Variants in TMPRSS11A observed in about 807,000 individuals in gnomAD.
TMPRSS11A encodes the protein transmembrane serine protease 11A, also known as transmembrane protease serine 11A.
TMPRSS11A carries 53 observed loss-of-function variants against 58.9 expected under a neutral mutation model. That is an observed-to-expected ratio of 0.90 (90% CI 0.72 to 1.13). The LOEUF (loss-of-function observed/expected upper bound fraction) is 1.13, where lower values mean the gene tolerates loss of function less well. TMPRSS11A is among the 50% of genes most tolerant of loss of function. The pLI, the probability that TMPRSS11A is intolerant of heterozygous loss-of-function variation, is 0.00. For synonymous variants in TMPRSS11A, 167 were observed against 169.8 expected, an observed-to-expected ratio of 0.98 and a Z score of 0.13; for missense variants, 493 against 499.3, an observed-to-expected ratio of 0.99 and a Z score of 0.12.
chr4:67,938,239 T>C (rs1218913589), intron 3 of TMPRSS11A, among the ~76,000 whole-genome samples: 2 of 152,220 alleles, frequency 1.3e-5, no homozygotes, highest in Admixed American at 6.5e-5. Context: ...TTGCCTACTT[T>C]TTAATGGCGT....
At chr4:67,947,007 C>T (rs1721032846) in intron 1 of TMPRSS11A, among the ~76,000 whole-genome samples, 1 of 151,942 alleles carries the variant, frequency 6.6e-6, no homozygotes, top group Non-Finnish European at 1.5e-5. Context: ...AATGTTCAGA[C>T]ATAAAAAATT....
At chr4:67,953,352 T>G (rs895459734) in intron 1 of TMPRSS11A, among the ~76,000 whole-genome samples, 1 of 152,132 alleles carries the variant, frequency 6.6e-6, no homozygotes, top group African/African-American at 2.4e-5. Flanking sequence ...TTTTCTTAGT[T>G]TTTTTTAATA....
intron 1 of TMPRSS11A, among the ~76,000 whole-genome samples, chr4:67,953,810 G>A (rs1020259612): frequency 4.0e-5 from 6 of 150,324 alleles, no homozygotes; most frequent in African/African-American, 1.2e-4. Context: ...AAAAAAAATA[G>A]TATTTCTTGG....
intron 1 of TMPRSS11A, among the ~76,000 whole-genome samples, chr4:67,954,097 A>G (rs1052835255): frequency 3.9e-5 from 6 of 152,216 alleles, no homozygotes; most frequent in Admixed American, 6.5e-5. Context: ...AACTCAGGGA[A>G]GGAAAGTTAG....
At chr4:67,914,813 T>C in intron 8 of TMPRSS11A, 83 bp from the exon 9 acceptor site, 1 of 1,229,464 alleles carries the variant, frequency 8.1e-7, no homozygotes, top group South Asian at 1.5e-5. Flanking sequence ...CTAATATTTT[T>C]TTCATGGTAA....
intron 1 of TMPRSS11A, among the ~76,000 whole-genome samples, chr4:67,947,425 G>T (rs984778455): frequency 2.0e-5 from 3 of 152,112 alleles, no homozygotes; most frequent in Non-Finnish European, 4.4e-5. Flanking sequence ...GACCATTGAA[G>T]AGATCAAGCT....
chr4:67,931,687 G>A (rs1720627438), intron 4 of TMPRSS11A, among the ~76,000 whole-genome samples: 3 of 152,138 alleles, frequency 2.0e-5, no homozygotes, highest in South Asian at 2.1e-4. Flanking sequence ...TTTTCCCCAC[G>A]TCATGGGTTC....
rs780260050 is a variant in TMPRSS11A, at chr4:67,911,291, C to T, written c.*51G>A. On this transcript the variant is annotated 3_prime_UTR_variant, in exon 10 of 10. Coordinates refer to ENST00000508048, the MANE Select transcript of TMPRSS11A (RefSeq NM_001114387.2). ...TACACCCACTAAATAGTTGAATTCTCATGCATATATGACCTGCATACAGCT... is the reference window on the plus strand; with the variant it reads ...TACACCCACTAAATAGTTGAATTCTTATGCATATATGACCTGCATACAGCT... 2 of 1,547,800 alleles carry T rather than the reference C, an allele frequency of 1.3e-6. No homozygotes were observed. Among genetic ancestry groups the T allele is most frequent in the Non-Finnish European group, 1.8e-6 (2 of 1,129,372 alleles).
chr4:67,962,019 C>A (rs187172687), intron 1 of TMPRSS11A, among the ~76,000 whole-genome samples: 1 of 152,022 alleles, frequency 6.6e-6, no homozygotes, highest in African/African-American at 2.4e-5. Flanking sequence ...AACTGGAAAT[C>A]CTGTTTTACA....
At chr4:67,920,527 T>TCA (rs1720290590) in intron 7 of TMPRSS11A, among the ~76,000 whole-genome samples, 2 of 132,720 alleles carry the variant, frequency 1.5e-5, no homozygotes, top group African/African-American at 5.6e-5. Context: ...AATGAGGTAA[T>TCA]TATATATATA....
At chr4:67,930,472 T>C (rs1720585374) in intron 4 of TMPRSS11A, among the ~76,000 whole-genome samples, 2 of 152,152 alleles carry the variant, frequency 1.3e-5, no homozygotes, top group African/African-American at 2.4e-5. Context: ...TTCTCTTTGG[T>C]CAGCTCTGCT....
intron 7 of TMPRSS11A, among the ~76,000 whole-genome samples, chr4:67,921,758 A>C (rs192698957): frequency 2.2e-4 from 33 of 152,342 alleles, no homozygotes; most frequent in Admixed American, 1.8e-3. Flanking sequence ...ATTACCTAAT[A>C]CACTAAGGTT....
chr4:67,915,471 G>T (rs1055422754), intron 8 of TMPRSS11A, among the ~76,000 whole-genome samples: 2 of 152,172 alleles, frequency 1.3e-5, no homozygotes, highest in African/African-American at 4.8e-5. Context: ...ATATGGGCAG[G>T]ATCTGTGAAT....
intron 5 of TMPRSS11A, among the ~76,000 whole-genome samples, chr4:67,929,485 T>C (rs1373429963): frequency 1.3e-5 from 2 of 152,216 alleles, no homozygotes; most frequent in East Asian, 3.8e-4. Flanking sequence ...TCACCATATA[T>C]AGAAACTATC....
intron 9 of TMPRSS11A, among the ~76,000 whole-genome samples, chr4:67,912,225 G>A (rs1211336993): frequency 2.6e-5 from 4 of 151,862 alleles, no homozygotes; most frequent in Non-Finnish European, 5.9e-5. Context: ...TAATGTTCAA[G>A]GACATCAGAT....
chr4:67,935,589 G>T (rs1720732890), intron 3 of TMPRSS11A, among the ~76,000 whole-genome samples: 1 of 151,982 alleles, frequency 6.6e-6, no homozygotes, highest in African/African-American at 2.4e-5. Flanking sequence ...AACCCTTTAT[G>T]CATAGAGATG....
intron 9 of TMPRSS11A, among the ~76,000 whole-genome samples, chr4:67,912,281 AACAC>A (rs58492227): frequency 1.6e-3 from 238 of 149,216 alleles, no homozygotes; most frequent in African/African-American, 2.7e-3. Flanking sequence ...CCACCATATC[AACAC>A]ACACACACAC....
chr4:67,912,864 A>G (rs1190514425), intron 9 of TMPRSS11A, among the ~76,000 whole-genome samples: 4 of 152,038 alleles, frequency 2.6e-5, no homozygotes, highest in African/African-American at 9.7e-5. Flanking sequence ...AACTAGGAGC[A>G]TTCTTTATTT....
chr4:67,962,318 T>C (rs1721451715), intron 1 of TMPRSS11A, among the ~76,000 whole-genome samples: 1 of 152,126 alleles, frequency 6.6e-6, no homozygotes, highest in South Asian at 2.1e-4. Flanking sequence ...GGAAACCTAG[T>C]GAAGTTCACT....
Sources: allele counts gnomAD v4.1 joint callset (sites outside exome capture counted in the v4.1 genomes callset), GRCh38; gene constraint gnomAD v4.1.1; transcripts MANE v1.5; gene names NCBI Gene and HGNC (gene_info 2026-07-23, HGNC 2026-07-21).